Variants in CERS1 observed in about 807,000 individuals in gnomAD.
CERS1 encodes the protein ceramide synthase 1, also known as Embryonic growth/differentiation factor 1.
In CERS1, 16 loss-of-function variants were observed where a neutral mutation model predicts 35.7. The observed-to-expected ratio is 0.45, with a 90% CI of 0.30 to 0.68. The LOEUF is 0.68. Among genes scored for constraint, CERS1 ranks in the 30% least tolerant of loss-of-function variants. CERS1 has a pLI of 0.08. For synonymous variants in CERS1, 243 were observed against 201.6 expected, an observed-to-expected ratio of 1.21 and a Z score of -1.74; for missense variants, 454 against 453.9, an observed-to-expected ratio of 1.00 and a Z score of 0.00.
chr19:18,884,101 G>C lies in CERS1; in HGVS notation c.576C>G (p.Ser192=), dbSNP rs1392302984. The C allele has an allele frequency of 1.2e-6, 2 of 1,613,152 alleles. No homozygotes were observed. The highest frequency in any genetic ancestry group is 1.7e-6 in the Non-Finnish European group (2 of 1,179,630). ...CCTGTCCTTACCGGAAGGCGTAGGA[G>C]GAGACGATGAGGATGAGAGTGACCA... ...HHVVTLILIV[S]SYAFRYHNVG... is the part of the protein sequence containing the mutation. Residue 192 remains serine (S), a synonymous_variant, in exon 3 of 8, where the codon TCC becomes TCG. Coordinates refer to ENST00000623882, the MANE Select transcript of CERS1 (RefSeq NM_021267.5).
At position 18,870,758 on chromosome 19, in the gene CERS1, T is replaced by C. The variant is rs1297244437; in HGVS notation, c.1011-139A>G. On this transcript the variant is annotated intron_variant, in intron 6 of 7. Transcript: ENST00000623882. This position sits in a 1 kb window ranked among gnomAD's most constrained non-coding sequence, Gnocchi z 5.1. ...GCCCGGGCCTCGCCTTGTGGCTTCC[T>C]CCTCGCCTTCACCCTGCCCCTCCTT... The C allele has an allele frequency of 1.1e-5, 5 of 440,814 alleles. No homozygotes were observed. The highest frequency in any genetic ancestry group is 2.0e-5 in the Non-Finnish European group (5 of 244,202). The allele number at this position is 440,814 out of a possible 1,614,324, so 27.3% of individuals were successfully genotyped here.
chr19:18,873,853 AAAAG>A (rs972300903), intron 6 of CERS1, among the ~76,000 whole-genome samples: 2 of 151,522 alleles, frequency 1.3e-5, no homozygotes, highest in East Asian at 1.9e-4. Context: ...AAAAAAAAAA[AAAAG>A]AAGAAGAAGG....
Position 18,869,441 on chromosome 19 carries a change from C to T in CERS1, c.*595-51G>A, listed in dbSNP as rs1300144901. The T allele has an allele frequency of 3.3e-6, 5 of 1,515,476 alleles. No individual in the cohort carries two copies. In the South Asian group the frequency reaches 4.8e-5, roughly 15 times the overall value. 93.9% of individuals were successfully genotyped at this position (1,515,476 alleles called of 1,614,324 possible). ...GCTCGCGCTGCGTCCCCGGCCTGCC[C>T]ATGGGGTCTCGGTTAGGGACAGGGA... On this transcript the variant is annotated intron_variant, in intron 7 of 7. Transcript: ENST00000623882.
In CERS1 at chr19:18,884,410, C is replaced by T. The variant is rs1481649844; in HGVS notation, c.410-143G>A. 4 of 730,294 alleles carry T rather than the reference C, an allele frequency of 5.5e-6. No individual in the cohort carries two copies. In the East Asian group the frequency reaches 1.1e-4, roughly 20 times the overall value. The allele number at this position is 730,294 out of a possible 1,614,324, so 45.2% of individuals were successfully genotyped here. A position where few individuals can be genotyped will look rare whatever the true frequency, so the allele number is the denominator to read the frequency against. ...TGTCTGACTGCTGGCTTTCCATTCC[C>T]AATTCTATTTTTTTTTTTTTTTCTT... On this transcript the variant is annotated intron_variant, in intron 2 of 7. Transcript: ENST00000623882.
In CERS1 at chr19:18,870,846, G is replaced by T. The variant is rs904237793; in HGVS notation, c.1011-227C>A. Among the ~76,000 whole-genome samples the T allele has an allele frequency of 2.0e-5, 3 of 151,808 alleles. No homozygotes were observed. Among genetic ancestry groups the T allele is most frequent in the Non-Finnish European group, 4.4e-5 (3 of 67,950 alleles). On this transcript the variant is annotated intron_variant, in intron 6 of 7. Transcript: ENST00000623882. This position sits in a 1 kb window ranked among gnomAD's most constrained non-coding sequence, Gnocchi z 5.1. ...CACGTATGTCCCCCCTGGCACCCTG[G>T]CACTTCCTCCTTGCTTCCCCCTCTC...
intron 6 of CERS1, among the ~76,000 whole-genome samples, chr19:18,874,505 G>A (rs2056027988): frequency 1.3e-5 from 2 of 152,306 alleles, no homozygotes; most frequent in Admixed American, 1.3e-4. Flanking sequence ...AGTGGCAGGT[G>A]CAGCAGAGGT....
intron 7 of CERS1, among the ~76,000 whole-genome samples, chr19:18,869,606 C>T (rs974895051): frequency 1.8e-5 from 1 of 56,090 alleles, no homozygotes; most frequent in South Asian, 5.1e-4. Context: ...GGGCTGCCCT[C>T]GGCGGGGGGC....
rs1187747006 is a variant in CERS1, at chr19:18,868,733, G to T, written c.*1252C>A. The T allele has an allele frequency of 6.5e-7, 1 of 1,532,874 alleles. No individual in the cohort carries two copies. The highest frequency in any genetic ancestry group is 8.8e-7 in the Non-Finnish European group (1 of 1,136,238). 95.0% of individuals were successfully genotyped at this position (1,532,874 alleles called of 1,614,324 possible). On this transcript the variant is annotated 3_prime_UTR_variant, in exon 8 of 8. Coordinates refer to ENST00000623882, the MANE Select transcript of CERS1 (RefSeq NM_021267.5). The stretch of plus-strand genomic sequence containing the variant: ...GCAGGGCAGGTCGGCGGCTCCCGGG[G>T]CGGCCGCGTGCATGAGCGCGCGCAG...
Position 18,895,867 on chromosome 19 carries a change from C to A in CERS1, c.206G>T (p.Gly69Val). The A allele has an allele frequency of 3.1e-6, 4 of 1,289,098 alleles. No individual in the cohort carries two copies. The highest frequency in any genetic ancestry group is 4.1e-5 in the South Asian group (2 of 48,422). 79.9% of individuals were successfully genotyped at this position (1,289,098 alleles called of 1,614,324 possible). Reference sequence around the variant, plus strand: ...GGCCGCGGAGCGCAGGGCGGTCCAGCCCAGCGCGCCGAGCGCCAGCAGCAG... The same window carrying A: ...GGCCGCGGAGCGCAGGGCGGTCCAGACCAGCGCGCCGAGCGCCAGCAGCAG... Reference protein sequence around the residue: ...ELLLLALGALGWTALRSAATA... With the variant: ...ELLLLALGALVWTALRSAATA... Residue 69 changes from glycine (G) to valine (V), a missense_variant, in exon 1 of 8, where the codon GGC becomes GTC. Gly to Val is a moderately radical substitution (Grantham distance 109). Transcript: ENST00000623882. This position sits in a 1 kb window ranked among gnomAD's most constrained non-coding sequence, Gnocchi z 6.4.
intron 3 of CERS1, among the ~76,000 whole-genome samples, chr19:18,882,749 G>A (rs2146027487): frequency 2.0e-5 from 3 of 152,170 alleles, no homozygotes; most frequent in African/African-American, 7.2e-5. Context: ...CTGGAGTGCA[G>A]TGGCATGATC....
In CERS1 at chr19:18,869,886, C is replaced by G. The variant is rs1249070047; in HGVS notation, c.*594+97G>C. 6 of 1,225,530 alleles carry G rather than the reference C, an allele frequency of 4.9e-6. No individual in the cohort carries two copies. In the African/African-American group the frequency reaches 6.0e-5, roughly 12 times the overall value. The allele number at this position is 1,225,530 out of a possible 1,614,324, so 75.9% of individuals were successfully genotyped here. A position where few individuals can be genotyped will look rare whatever the true frequency, so the allele number is the denominator to read the frequency against. ...GTAGCCTGGACAGGGCGGGTGGGGA[C>G]CCTCGGAGCTGCTCGGGCATCCCCG... On this transcript the variant is annotated intron_variant, in intron 7 of 7. Coordinates refer to ENST00000623882, the MANE Select transcript of CERS1 (RefSeq NM_021267.5).
chr19:18,873,681 A>G (rs1236607454), intron 6 of CERS1, among the ~76,000 whole-genome samples: 1 of 152,010 alleles, frequency 6.6e-6, no homozygotes, highest in Non-Finnish European at 1.5e-5. Flanking sequence ...TCTACTAAAA[A>G]AAATACAACT....
chr19:18,876,066 C>T (rs115921513), intron 6 of CERS1, among the ~76,000 whole-genome samples: 5,143 of 152,238 alleles, frequency 0.034, 111 homozygotes, highest in Non-Finnish European at 0.039. Context: ...TTCACTGCAA[C>T]CTCTGCCTCC....
intron 6 of CERS1, among the ~76,000 whole-genome samples, chr19:18,874,128 T>C (rs1017492958): frequency 1.3e-5 from 2 of 152,172 alleles, no homozygotes; most frequent in African/African-American, 4.8e-5. Context: ...AGAGGGACTG[T>C]TGTCCACTGT....
Position 18,893,535 on chromosome 19 carries a change from G to A in CERS1, c.290C>T (p.Ala97Val). ...CTTCCAAGCGCTCTCGGGCATCTTG[G>A]CGGCATCTCTGGGCTGGAGGCAGCA... ...KRCCLQPRDA[A>V]KMPESAWKFL... The change falls in exon 2 of 8, where the codon GCC becomes GTC. Residue 97 changes from alanine (A) to valine (V), a missense_variant. Coordinates refer to ENST00000623882, the MANE Select transcript of CERS1 (RefSeq NM_021267.5). 1 of 1,610,942 alleles carries A rather than the reference G, an allele frequency of 6.2e-7. No homozygotes were observed. The highest frequency in any genetic ancestry group is 8.5e-7 in the Non-Finnish European group (1 of 1,178,924).
chr19:18,868,742 T>A lies in CERS1; in HGVS notation c.*1243A>T. On this transcript the variant is annotated 3_prime_UTR_variant, in exon 8 of 8. Transcript: ENST00000623882. The stretch of plus-strand genomic sequence containing the variant: ...GTCGGCGGCTCCCGGGGCGGCCGCG[T>A]GCATGAGCGCGCGCAGCACAGCGTG... 1.3e-6 allele frequency: 2 copies of A among 1,526,900 alleles called. No individual in the cohort carries two copies. Among genetic ancestry groups the A allele is most frequent in the East Asian group, 2.6e-5 (1 of 39,180 alleles). 94.6% of individuals were successfully genotyped at this position (1,526,900 alleles called of 1,614,324 possible). A position where few individuals can be genotyped will look rare whatever the true frequency, so the allele number is the denominator to read the frequency against.
At position 18,870,891 on chromosome 19, in the gene CERS1, C is replaced by T. The variant is rs549807517; in HGVS notation, c.1011-272G>A. Among the ~76,000 whole-genome samples the T allele has an allele frequency of 2.6e-5, 4 of 152,202 alleles. No individual in the cohort carries two copies. The highest frequency in any genetic ancestry group is 2.1e-4 in the South Asian group (1 of 4,826). On this transcript the variant is annotated intron_variant, in intron 6 of 7. Transcript: ENST00000623882. This position sits in a 1 kb window ranked among gnomAD's most constrained non-coding sequence, Gnocchi z 5.1. The stretch of plus-strand genomic sequence containing the variant: ...CCTCTCCAATTAAACCTTCCTCTTC[C>T]CCTCCTCCCTGCCTCTCCAGGCCGC...
chr19:18,880,407 A>C lies in CERS1; in HGVS notation c.619T>G (p.Phe207Val). The change falls in exon 4 of 8, where the codon TTC (phenylalanine) becomes GTC (valine). Residue 207 changes from phenylalanine (F) to valine (V), a missense_variant. Physicochemically the swap from Phe to Val is conservative, Grantham distance 50. Coordinates refer to ENST00000623882, the MANE Select transcript of CERS1 (RefSeq NM_021267.5). ...TGCACGTCACTGATATCGTGCAGGA[A>C]GAGCACAAGGATGCCCACATTGTGG... The part of the protein sequence containing the change: ...RYHNVGILVL[F>V]LHDISDVQLE... 6.3e-7 allele frequency: 1 copy of C among 1,592,908 alleles called. No individual in the cohort carries two copies. The highest frequency in any genetic ancestry group is 1.1e-5 in the South Asian group (1 of 87,464).
intron 6 of CERS1, among the ~76,000 whole-genome samples, chr19:18,872,905 T>C (rs1002841025): frequency 3.3e-5 from 5 of 152,176 alleles, no homozygotes; most frequent in Non-Finnish European, 1.5e-5. Context: ...CGCCTCAGCC[T>C]CTCAAAGTGC....
Sources: gnomAD v4.1 joint callset for allele counts (sites outside exome capture counted in the v4.1 genomes callset) on GRCh38, gnomAD v4.1.1 for gene constraint, Gnocchi (gnomAD v3.1) non-coding constraint, MANE v1.5 for transcripts, NCBI Gene and HGNC (gene_info 2026-07-23, HGNC 2026-07-21) for gene names.